The following MTBP variants were observed in gnomAD, a reference collection of about 807,000 sequenced individuals.
MTBP encodes mdm2-binding protein.
A neutral mutation model predicts 117.0 loss-of-function variants in MTBP; 101 were observed. The ratio of observed to expected loss-of-function variants is 0.86; its 90% confidence interval spans 0.73 to 1.02. MTBP has a LOEUF of 1.02. Among genes scored for constraint, MTBP ranks in the 50% least tolerant of loss-of-function variants. The pLI is 0.00. For missense variants in MTBP, 970 were observed against 1,030.9 expected (o/e 0.94, Z 0.81); for synonymous variants, 350 against 351.5 (o/e 1.00, Z 0.05).
chr8:120,455,373 A>G, intron 5 of MTBP, 62 bp from the exon 6 acceptor site: 2 of 1,028,092 alleles, frequency 1.9e-6, no homozygotes, highest in South Asian at 1.6e-5. Context: ...TCAGGGTACT[A>G]TTTTGAGACA....
intron 11 of MTBP, among the ~76,000 whole-genome samples, chr8:120,476,416 C>A (rs934487957): frequency 6.6e-6 from 1 of 151,198 alleles, no homozygotes; most frequent in Middle Eastern, 3.4e-3. Context: ...GGTAATCAGG[C>A]AAGAGAAAGA....
At chr8:120,469,538 T>G (rs1353592816) in intron 10 of MTBP, among the ~76,000 whole-genome samples, 1 of 152,198 alleles carries the variant, frequency 6.6e-6, no homozygotes, top group East Asian at 1.9e-4. Context: ...GCAAAACTTT[T>G]TGAACCACCA....
At chr8:120,509,606 G>A (rs998407472) in intron 16 of MTBP, among the ~76,000 whole-genome samples, 5 of 151,476 alleles carry the variant, frequency 3.3e-5, no homozygotes, top group East Asian at 3.9e-4. Flanking sequence ...CGTCCCCACC[G>A]CCCCCCCAAA....
At chr8:120,501,354 C>T (rs575496517) in intron 14 of MTBP, among the ~76,000 whole-genome samples, 86 of 148,310 alleles carry the variant, frequency 5.8e-4, no homozygotes, top group African/African-American at 2.1e-3. Flanking sequence ...AGCGAGACTC[C>T]GTCTCAAAAA....
chr8:120,470,066 G>T (rs1813787051), intron 10 of MTBP, among the ~76,000 whole-genome samples: 2 of 152,126 alleles, frequency 1.3e-5, no homozygotes, highest in Admixed American at 1.3e-4. Flanking sequence ...ACTGAGATGT[G>T]ATTGATATAG....
intron 15 of MTBP, among the ~76,000 whole-genome samples, chr8:120,503,726 G>T (rs1474302404): frequency 6.6e-6 from 1 of 152,110 alleles, no homozygotes; most frequent in Non-Finnish European, 1.5e-5. Flanking sequence ...AGAGACAGAT[G>T]GCTCTATCTG....
chr8:120,520,372 T>C (rs1392954679), intron 20 of MTBP, among the ~76,000 whole-genome samples: 2 of 152,044 alleles, frequency 1.3e-5, no homozygotes, highest in Admixed American at 6.6e-5. Context: ...GAAATTAGAA[T>C]CAAATGACAA....
intron 20 of MTBP, 75 bp from the exon 21 acceptor site, chr8:120,522,579 T>G (rs891572726): frequency 3.0e-5 from 29 of 973,308 alleles, no homozygotes; most frequent in Non-Finnish European, 4.2e-5. Flanking sequence ...TAATCTCAAG[T>G]GTATTTAATA....
intron 5 of MTBP, among the ~76,000 whole-genome samples, chr8:120,454,344 A>C (rs973876161): frequency 2.6e-5 from 4 of 152,126 alleles, no homozygotes; most frequent in African/African-American, 9.6e-5. Context: ...ATACCATAAA[A>C]GAAAGTGTTT....
chr8:120,496,116 TGAATGGCTGTCAGA>T (rs1814449480), intron 13 of MTBP, among the ~76,000 whole-genome samples: 1 of 152,200 alleles, frequency 6.6e-6, no homozygotes, highest in Admixed American at 6.5e-5. Context: ...ATTTTGCCAC[TGAATGGCTGTCAGA>T]GCTAGGCAAC....
chr8:120,451,293 T>G lies in MTBP; in HGVS notation c.396T>G (p.Ser132Arg). 7 of 1,613,194 alleles carry G rather than the reference T, an allele frequency of 4.3e-6. No individual in the cohort carries two copies. Among genetic ancestry groups the G allele is most frequent in the Non-Finnish European group, 5.9e-6 (7 of 1,179,428 alleles). ...GAVECFEEED[S>R]NSRESLSLAD... Reference sequence around the variant, plus strand: ...TTGAGTGTTTTGAAGAAGAAGACAGTAATAGCAGGGAATCATTATCCTTGG... The same window carrying G: ...TTGAGTGTTTTGAAGAAGAAGACAGGAATAGCAGGGAATCATTATCCTTGG... The change falls in exon 4 of 22, where the codon AGT (serine) becomes AGG (arginine). Residue 132 changes from serine (S) to arginine (R), a missense_variant. Ser to Arg is a moderately radical substitution (Grantham distance 110). Transcript: ENST00000305949.
At chr8:120,463,643 C>T (rs1813626032) in intron 9 of MTBP, 49 bp from the exon 10 acceptor site, 3 of 1,390,910 alleles carry the variant, frequency 2.2e-6, no homozygotes, top group Non-Finnish European at 3.0e-6. Flanking sequence ...TTAAGGAGTA[C>T]ATTGTTTCAT....
At chr8:120,474,047 G>A (rs13279029) in intron 11 of MTBP, 1 of 151,700 alleles carries the variant, frequency 6.6e-6, no homozygotes, top group Non-Finnish European at 1.5e-5. Flanking sequence ...TAACTTAGGC[G>A]TGGGGGTTTT....
intron 7 of MTBP, among the ~76,000 whole-genome samples, chr8:120,458,935 A>G (rs946103790): frequency 1.3e-5 from 2 of 152,072 alleles, no homozygotes; most frequent in Non-Finnish European, 2.9e-5. Context: ...TGAACAATGC[A>G]AAAGAGGTTG....
At chr8:120,450,029 C>A (rs1254891358) in intron 2 of MTBP, among the ~76,000 whole-genome samples, 1 of 151,990 alleles carries the variant, frequency 6.6e-6, no homozygotes, top group African/African-American at 2.4e-5. Context: ...TTAAAGGGAC[C>A]CCTTTTTTTA....
chr8:120,459,169 C>T, intron 7 of MTBP, 46 bp from the exon 8 acceptor site: 4 of 1,502,978 alleles, frequency 2.7e-6, no homozygotes, highest in Non-Finnish European at 2.7e-6. Flanking sequence ...ATCTTTATAG[C>T]ATTATTCATG....
At chr8:120,516,320 T>A in intron 18 of MTBP, 129 bp downstream of exon 18, 1 of 827,618 alleles carries the variant, frequency 1.2e-6, no homozygotes, top group South Asian at 2.1e-5. Context: ...TATGAGCTGT[T>A]GATAATTTTG....
intron 11 of MTBP, among the ~76,000 whole-genome samples, chr8:120,477,888 C>T (rs139523598): frequency 0.018 from 2,677 of 152,238 alleles, 80 homozygotes; most frequent in African/African-American, 0.062. Context: ...TTTGACCCAG[C>T]CATCCCATTA....
Position 120,453,835 on chromosome 8 carries a change from C to G in MTBP, c.426-12C>G, listed in dbSNP as rs766676043. ...TGGGGTTTTCTTTCCCTAACTTACC[C>G]TTTTATTTTAGTCTCTATGAAGAAG... On this transcript the variant is annotated splice_polypyrimidine_tract_variant and intron_variant, in intron 4 of 21. Transcript: ENST00000305949. 6 of 1,489,656 alleles carry G rather than the reference C, an allele frequency of 4.0e-6. No homozygotes were observed. The African/African-American group carries it at 4.2e-5, about 10-fold the overall frequency. 92.3% of individuals were successfully genotyped at this position (1,489,656 alleles called of 1,614,324 possible).
Sources: allele counts gnomAD v4.1 joint callset (sites outside exome capture counted in the v4.1 genomes callset), GRCh38; gene constraint gnomAD v4.1.1; transcripts MANE v1.5; gene names NCBI Gene and HGNC (gene_info 2026-07-23, HGNC 2026-07-21).